The following LRP1B variants were observed in gnomAD, a reference collection of about 807,000 sequenced individuals.
LRP1B encodes LDL receptor related protein 1B.
A neutral mutation model predicts 556.6 loss-of-function variants in LRP1B; 217 were observed. That is an observed-to-expected ratio of 0.39 (90% CI 0.35 to 0.44). LRP1B has a LOEUF of 0.44. LRP1B is among the 20% of genes least tolerant of loss of function. The pLI, the probability that LRP1B is intolerant of heterozygous loss-of-function variation, is 1.00. For missense variants in LRP1B, 5,053 were observed against 5,620.8 expected (o/e 0.90, Z 3.23); for synonymous variants, 2,047 against 1,865.8 (o/e 1.10, Z -2.50).
intron 7 of LRP1B, among the ~76,000 whole-genome samples, chr2:141,070,047 T>C (rs1489603128): frequency 6.8e-6 from 1 of 146,514 alleles, no homozygotes; most frequent in Non-Finnish European, 1.5e-5. Context: ...AGTGAGAATA[T>C]GCGGTGTTTG....
At chr2:141,594,832 T>C (rs947667091) in intron 2 of LRP1B, among the ~76,000 whole-genome samples, 2 of 152,148 alleles carry the variant, frequency 1.3e-5, no homozygotes, top group South Asian at 2.1e-4. Flanking sequence ...ACACACACTC[T>C]TAAATATGAA....
intron 2 of LRP1B, among the ~76,000 whole-genome samples, chr2:141,506,917 A>T (rs1683953577): frequency 6.6e-6 from 1 of 152,098 alleles, no homozygotes; most frequent in Admixed American, 6.6e-5. Context: ...TGATGATTCT[A>T]TGTTCCTTGA....
intron 60 of LRP1B, among the ~76,000 whole-genome samples, chr2:140,471,795 C>T (rs1335580781): frequency 6.6e-6 from 1 of 152,172 alleles, no homozygotes; most frequent in Admixed American, 6.6e-5. Flanking sequence ...ACTTAGCATA[C>T]AAGGCTTGTG....
intron 84 of LRP1B, among the ~76,000 whole-genome samples, chr2:140,295,107 T>C (rs1683547380): frequency 1.3e-5 from 2 of 151,872 alleles, no homozygotes; most frequent in Admixed American, 1.3e-4. Flanking sequence ...CTCGACCTCC[T>C]GACCTCGTGA....
At chr2:141,256,281 G>A (rs1335380844) in intron 3 of LRP1B, among the ~76,000 whole-genome samples, 1 of 151,830 alleles carries the variant, frequency 6.6e-6, no homozygotes, top group East Asian at 1.9e-4. Flanking sequence ...AGGACAATAT[G>A]AGAAAGTAAA....
intron 1 of LRP1B, among the ~76,000 whole-genome samples, chr2:141,845,738 A>G (rs1697623670): frequency 6.6e-6 from 1 of 152,000 alleles, no homozygotes; most frequent in South Asian, 2.1e-4. Flanking sequence ...AGACAATATC[A>G]TTACTTATAA....
At chr2:141,229,744 T>C (rs1214231865) in intron 5 of LRP1B, among the ~76,000 whole-genome samples, 1 of 152,200 alleles carries the variant, frequency 6.6e-6, no homozygotes, top group Non-Finnish European at 1.5e-5. Flanking sequence ...ATTGTTTTTC[T>C]AGAAATGATG....
intron 2 of LRP1B, among the ~76,000 whole-genome samples, chr2:141,607,996 G>A (rs1165497431): frequency 6.6e-6 from 1 of 152,062 alleles, no homozygotes; most frequent in Non-Finnish European, 1.5e-5. Flanking sequence ...AGGCCAAGGT[G>A]GGCGGATCAC....
chr2:141,310,852 C>G (rs946309759), intron 3 of LRP1B, among the ~76,000 whole-genome samples: 1 of 152,062 alleles, frequency 6.6e-6, no homozygotes, highest in Admixed American at 6.6e-5. Context: ...AAAGTAAAAT[C>G]TTATTACTAC....
intron 35 of LRP1B, among the ~76,000 whole-genome samples, chr2:140,721,713 ATT>A (rs10616732): frequency 0.17 from 20,881 of 125,684 alleles, 1,595 homozygotes; most frequent in South Asian, 0.21. Flanking sequence ...ACACCCGGCT[ATT>A]TTTTTTTTTT....
chr2:141,037,263 A>G (rs1698560747), intron 11 of LRP1B, among the ~76,000 whole-genome samples: 1 of 152,126 alleles, frequency 6.6e-6, no homozygotes, highest in Middle Eastern at 3.2e-3. Flanking sequence ...TAACAAAAAC[A>G]AAACCCAAAT....
chr2:140,864,465 C>A (rs1692889644), intron 27 of LRP1B, among the ~76,000 whole-genome samples: 1 of 151,942 alleles, frequency 6.6e-6, no homozygotes, highest in South Asian at 2.1e-4. Context: ...TCCTGCAAGT[C>A]TTTGCACACA....
chr2:141,952,828 A>T (rs1701144329), intron 1 of LRP1B, among the ~76,000 whole-genome samples: 1 of 152,026 alleles, frequency 6.6e-6, no homozygotes, highest in African/African-American at 2.4e-5. Flanking sequence ...AAATAAGTTC[A>T]TTGTGTGTGG....
chr2:141,825,949 G>C (rs1261478954), intron 1 of LRP1B, among the ~76,000 whole-genome samples: 1 of 152,038 alleles, frequency 6.6e-6, no homozygotes, highest in Non-Finnish European at 1.5e-5. Context: ...AAATTACTGA[G>C]AAACAGTGTA....
chr2:142,010,176 A>C (rs1302343263), intron 1 of LRP1B, among the ~76,000 whole-genome samples: 1 of 152,114 alleles, frequency 6.6e-6, no homozygotes, highest in East Asian at 1.9e-4. Context: ...GGTACTGAGT[A>C]CAGGCCAGGG....
rs774048015 is a variant in LRP1B at position 140,779,610 on chromosome 2, A to G, written c.5360-3372T>C. On this transcript the variant is annotated intron_variant, in intron 32 of 90. Coordinates refer to ENST00000389484, the MANE Select transcript of LRP1B (RefSeq NM_018557.3). ...CTCAGGAGGCTGAGTCAGGAGAAAC[A>G]CTTGAACCCGGGAGTCAGAGGTTGC... 4.7e-5 allele frequency among the ~76,000 whole-genome samples: 7 copies of G among 150,182 alleles called. No homozygotes were observed. The Admixed American group carries it at 4.7e-4, about 10-fold the overall frequency.
intron 3 of LRP1B, among the ~76,000 whole-genome samples, chr2:141,384,763 A>T (rs1456055197): frequency 1.3e-5 from 2 of 152,202 alleles, no homozygotes; most frequent in African/African-American, 4.8e-5. Flanking sequence ...AGACTGTTAA[A>T]GATCTTAAGC....
At chr2:140,652,946 AC>A (rs970908030) in intron 41 of LRP1B, among the ~76,000 whole-genome samples, 2 of 152,126 alleles carry the variant, frequency 1.3e-5, no homozygotes, top group African/African-American at 4.8e-5. Flanking sequence ...TAAAATAAAT[AC>A]AAAAAATCTT....
intron 11 of LRP1B, among the ~76,000 whole-genome samples, chr2:141,029,939 C>A (rs982375140): frequency 7.2e-5 from 11 of 151,982 alleles, no homozygotes; most frequent in African/African-American, 2.7e-4. Flanking sequence ...GTAGCAACAC[C>A]CTCTCCAGTT....
Sources: allele counts gnomAD v4.1 joint callset (sites outside exome capture counted in the v4.1 genomes callset), GRCh38; gene constraint gnomAD v4.1.1; transcripts MANE v1.5; gene names NCBI Gene and HGNC (gene_info 2026-07-23, HGNC 2026-07-21).